SMYD3: variants seen among roughly 807,000 people sequenced by gnomAD.
SMYD3 encodes the protein SET and MYND domain containing 3, also known as histone-lysine N-methyltransferase SMYD3.
A neutral mutation model predicts 57.7 loss-of-function variants in SMYD3; 36 were observed. The observed-to-expected ratio is 0.62, with a 90% confidence interval of 0.48 to 0.82. The LOEUF is 0.82. Ranked by LOEUF, SMYD3 falls within the 40% of genes least tolerant of loss-of-function variation. SMYD3 has a pLI of 0.00. For synonymous variants in SMYD3, 211 were observed against 195.0 expected (o/e 1.08, Z -0.68); for missense variants, 515 against 538.8 (o/e 0.96, Z 0.44).
At chr1:246,183,161 C>T (rs919951689) in intron 5 of SMYD3, among the ~76,000 whole-genome samples, 3 of 152,190 alleles carry the variant, frequency 2.0e-5, no homozygotes, top group Non-Finnish European at 4.4e-5. Context: ...ATAAGAGAAA[C>T]TCCATCAACA....
At chr1:245,930,468 T>C (rs1200083701) in intron 5 of SMYD3, 1 of 295,434 alleles carries the variant, frequency 3.4e-6, no homozygotes, top group Non-Finnish European at 6.5e-6. Context: ...GGAGGTCATT[T>C]AGTCAAGCCA....
chr1:246,040,758 T>C (rs532210507), intron 5 of SMYD3, among the ~76,000 whole-genome samples: 5 of 152,344 alleles, frequency 3.3e-5, no homozygotes, highest in African/African-American at 9.6e-5. Context: ...TCAGTTCTTA[T>C]AGAGCGCTAG....
At chr1:246,001,141 A>G (rs1218997421) in intron 5 of SMYD3, among the ~76,000 whole-genome samples, 1 of 152,204 alleles carries the variant, frequency 6.6e-6, no homozygotes, top group Admixed American at 6.5e-5. Flanking sequence ...AGACAGAACC[A>G]TATTTAGGAT....
intron 1 of SMYD3, among the ~76,000 whole-genome samples, chr1:246,375,651 A>G (rs1268064061): frequency 1.3e-5 from 2 of 152,228 alleles, no homozygotes; most frequent in African/African-American, 4.8e-5. Context: ...GTTAATACTT[A>G]TATTTCTGCC....
intron 8 of SMYD3, among the ~76,000 whole-genome samples, chr1:245,898,383 A>G (rs1157516741): frequency 6.6e-6 from 1 of 152,224 alleles, no homozygotes; most frequent in Non-Finnish European, 1.5e-5. Flanking sequence ...GAAAGGGAAC[A>G]ATTAGATAAA....
rs997020568 is a variant in SMYD3, at chr1:245,866,968, T to C, written c.814-3082A>G. Among the ~76,000 whole-genome samples, 5 of 152,310 alleles carry C rather than the reference T, an allele frequency of 3.3e-5. No individual in the cohort carries two copies. The East Asian group carries it at 9.6e-4, about 29-fold the overall frequency. The stretch of plus-strand genomic sequence containing the variant: ...TAAACCCTAGATCTAAGCAAAATGT[T>C]AGTCTCTATGGTAAGCAGAATAATG... On this transcript the variant is annotated intron_variant, in intron 8 of 11. Coordinates refer to ENST00000490107, the MANE Select transcript of SMYD3 (RefSeq NM_001167740.2).
intron 5 of SMYD3, among the ~76,000 whole-genome samples, chr1:246,070,668 G>T (rs542936015): frequency 6.6e-6 from 1 of 152,232 alleles, no homozygotes; most frequent in South Asian, 2.1e-4. Flanking sequence ...CAAAGTGAAT[G>T]GCGAGATAAA....
chr1:245,905,441 C>T (rs2054494088), intron 8 of SMYD3, among the ~76,000 whole-genome samples: 1 of 152,300 alleles, frequency 6.6e-6, no homozygotes, highest in South Asian at 2.1e-4. Context: ...AGTAATCTGG[C>T]AATACTCCAT....
In SMYD3 at chr1:246,507,244, G is replaced by T. The variant is rs528949132; in HGVS notation, c.-27C>A. The T allele has an allele frequency of 3.4e-6, 5 of 1,477,328 alleles. No homozygotes were observed. The highest frequency in any genetic ancestry group is 2.9e-5 in the African/African-American group (2 of 68,348). 91.5% of individuals were successfully genotyped at this position (1,477,328 alleles called of 1,614,324 possible). A position where few individuals can be genotyped will look rare whatever the true frequency, so the allele number is the denominator to read the frequency against. ...CTCCCGCAGCTCCGGCACCTCAGACGGCTACCCGCGTCCAGCAGCGGGCGT... is the reference window on the plus strand; with the variant it reads ...CTCCCGCAGCTCCGGCACCTCAGACTGCTACCCGCGTCCAGCAGCGGGCGT... On this transcript the variant is annotated 5_prime_UTR_variant, in exon 1 of 12. Coordinates refer to ENST00000490107, the MANE Select transcript of SMYD3 (RefSeq NM_001167740.2).
At chr1:245,979,944 G>C (rs1178320666) in intron 5 of SMYD3, among the ~76,000 whole-genome samples, 1 of 152,220 alleles carries the variant, frequency 6.6e-6, no homozygotes, top group Non-Finnish European at 1.5e-5. Context: ...AGATCCCAGG[G>C]GTGAGAAGCG....
intron 8 of SMYD3, among the ~76,000 whole-genome samples, chr1:245,911,520 TATACACACACAC>T (rs1459747102): frequency 6.7e-6 from 1 of 149,108 alleles, no homozygotes; most frequent in Non-Finnish European, 1.5e-5. Context: ...TACACACACA[TATACACACACAC>T]ACAACGGAAT....
intron 10 of SMYD3, among the ~76,000 whole-genome samples, chr1:245,836,770 A>G (rs1337229542): frequency 6.6e-6 from 1 of 152,150 alleles, no homozygotes; most frequent in Non-Finnish European, 1.5e-5. Flanking sequence ...GATGGCTTCA[A>G]TGTCTCATTT....
intron 8 of SMYD3, among the ~76,000 whole-genome samples, chr1:245,885,964 G>A (rs1341601786): frequency 4.6e-5 from 7 of 152,142 alleles, no homozygotes; most frequent in Admixed American, 1.3e-4. Context: ...TAATTGTTCA[G>A]AAATAATTAA....
At chr1:246,264,047 T>C (rs1054371488) in intron 5 of SMYD3, among the ~76,000 whole-genome samples, 6 of 152,164 alleles carry the variant, frequency 3.9e-5, no homozygotes, top group African/African-American at 1.4e-4. Context: ...AAATGTTTTT[T>C]TTTTTGTTGC....
chr1:245,773,647 A>G (rs2046426923), intron 10 of SMYD3, among the ~76,000 whole-genome samples: 1 of 152,164 alleles, frequency 6.6e-6, no homozygotes, highest in Admixed American at 6.6e-5. Flanking sequence ...TGCCTGTCTC[A>G]TATATGACAG....
rs566984912 is a variant in SMYD3 at position 246,274,796 on chromosome 1, T to C, written c.531+52405A>G. ...GTCTCAGCCTTGTTCCCCTCATCTC[T>C]GCTTGGATCAGAATTCAGTTTTTCA... On this transcript the variant is annotated intron_variant, in intron 5 of 11. Coordinates refer to ENST00000490107, the MANE Select transcript of SMYD3 (RefSeq NM_001167740.2). 5.3e-5 allele frequency among the ~76,000 whole-genome samples: 8 copies of C among 152,252 alleles called. No homozygotes were observed. The South Asian group carries it at 1.7e-3, about 32-fold the overall frequency.
rs76409741 is a variant in SMYD3 at position 246,324,001 on chromosome 1, T to C, written c.531+3200A>G. ...ATAGAAACATGAAGATTCATTCTACTAGTCCCTCTATTTTTGTGTGTGTTT... is the reference window on the plus strand; with the variant it reads ...ATAGAAACATGAAGATTCATTCTACCAGTCCCTCTATTTTTGTGTGTGTTT... On this transcript the variant is annotated intron_variant, in intron 5 of 11. Coordinates refer to ENST00000490107, the MANE Select transcript of SMYD3 (RefSeq NM_001167740.2). Among the ~76,000 whole-genome samples the C allele has an allele frequency of 1.6e-3, 247 of 152,298 alleles. 3 individuals are homozygous for C. The East Asian group carries it at 0.038, about 23-fold the overall frequency.
At chr1:245,790,092 G>T (rs911045062) in intron 10 of SMYD3, among the ~76,000 whole-genome samples, 1 of 152,182 alleles carries the variant, frequency 6.6e-6, no homozygotes, top group East Asian at 1.9e-4. Flanking sequence ...TAACAAGTCT[G>T]GTGAGTACTG....
At chr1:246,014,275 T>C (rs1308570356) in intron 5 of SMYD3, among the ~76,000 whole-genome samples, 5 of 152,182 alleles carry the variant, frequency 3.3e-5, no homozygotes, top group African/African-American at 1.2e-4. Flanking sequence ...TGAGCCGAGA[T>C]TGCGGCATTG....
Sources: gnomAD v4.1 joint callset for allele counts (sites outside exome capture counted in the v4.1 genomes callset) on GRCh38, gnomAD v4.1.1 for gene constraint, MANE v1.5 for transcripts, NCBI Gene and HGNC (gene_info 2026-07-23, HGNC 2026-07-21) for gene names.